The following ABTB3 variants were observed in gnomAD, a reference collection of about 807,000 sequenced individuals.
ABTB3 encodes the protein ankyrin repeat- and BTB/POZ domain-containing protein 3.
chr12:107,658,720 T>A, the ABTB3 span: 1 of 152,656 alleles, frequency 6.6e-6, no homozygotes, highest in Non-Finnish European at 1.5e-5. Context: ...TGCAGAAATG[T>A]GTTCATAGAT....
chr12:107,639,510 T>C, the ABTB3 span, among the ~76,000 whole-genome samples: 2 of 151,810 alleles, frequency 1.3e-5, no homozygotes, highest in Non-Finnish European at 2.9e-5. Flanking sequence ...TCAAAGGGAA[T>C]AGAGGGAAAT....
chr12:107,561,339 T>A, the ABTB3 span, among the ~76,000 whole-genome samples: 1 of 152,248 alleles, frequency 6.6e-6, no homozygotes, highest in East Asian at 1.9e-4. Flanking sequence ...TTTCTGGAAG[T>A]ACTGTCCCTC....
At chr12:107,383,130 A>G in the ABTB3 span, among the ~76,000 whole-genome samples, 2 of 152,184 alleles carry the variant, frequency 1.3e-5, no homozygotes, top group Non-Finnish European at 1.5e-5. Flanking sequence ...GAGCCAAATG[A>G]CTGCAGCAGC....
the ABTB3 span, among the ~76,000 whole-genome samples, chr12:107,423,833 G>A: frequency 5.4e-4 from 83 of 152,300 alleles, no homozygotes; most frequent in East Asian, 9.1e-3. Context: ...CGCTGGTTTT[G>A]CTTCATTGAA....
chr12:107,431,329 G>A, the ABTB3 span, among the ~76,000 whole-genome samples: 2 of 152,144 alleles, frequency 1.3e-5, no homozygotes, highest in African/African-American at 4.8e-5. Flanking sequence ...AGTCAATCCA[G>A]GCCAGGCATG....
the ABTB3 span, chr12:107,649,481 G>A: frequency 1.8e-6 from 1 of 561,044 alleles, no homozygotes; most frequent in Non-Finnish European, 3.2e-6. Flanking sequence ...TCCCTGGCAG[G>A]CTGGGGTGCT....
At chr12:107,423,410 A>G in the ABTB3 span, among the ~76,000 whole-genome samples, 1 of 152,212 alleles carries the variant, frequency 6.6e-6, no homozygotes, top group Non-Finnish European at 1.5e-5. Context: ...GAACCTGAAA[A>G]GCTGACAGTC....
the ABTB3 span, among the ~76,000 whole-genome samples, chr12:107,508,496 G>A: frequency 8.8e-6 from 1 of 113,898 alleles, no homozygotes; most frequent in South Asian, 3.0e-4. Context: ...CTGTCACCCA[G>A]GCTGGAGTGG....
chr12:107,529,806 C>A, the ABTB3 span, among the ~76,000 whole-genome samples: 2 of 152,174 alleles, frequency 1.3e-5, no homozygotes, highest in South Asian at 2.1e-4. Flanking sequence ...CTGTTCCTAA[C>A]CACATGCCAC....
the ABTB3 span, among the ~76,000 whole-genome samples, chr12:107,442,055 C>T: frequency 3.3e-5 from 5 of 152,152 alleles, no homozygotes; most frequent in Admixed American, 1.3e-4. Context: ...AAGTCTGGCA[C>T]GCAGCCCTGG....
chr12:107,422,234 T>G, the ABTB3 span, among the ~76,000 whole-genome samples: 1 of 151,930 alleles, frequency 6.6e-6, no homozygotes, highest in Non-Finnish European at 1.5e-5. Context: ...ATGGACATGA[T>G]ATAAGCAAGG....
chr12:107,579,304 G>A, the ABTB3 span, among the ~76,000 whole-genome samples: 1 of 152,214 alleles, frequency 6.6e-6, no homozygotes, highest in Non-Finnish European at 1.5e-5. Context: ...GTAACAGAGT[G>A]CATGCTACGA....
the ABTB3 span, among the ~76,000 whole-genome samples, chr12:107,336,063 C>T: frequency 6.6e-6 from 1 of 152,206 alleles, no homozygotes; most frequent in African/African-American, 2.4e-5. Context: ...TGCATCCTCA[C>T]CTCCCAGGTG....
the ABTB3 span, among the ~76,000 whole-genome samples, chr12:107,415,296 A>C: frequency 2.6e-5 from 4 of 152,108 alleles, no homozygotes; most frequent in Non-Finnish European, 4.4e-5. Context: ...TAATTATTTG[A>C]GTAGCGCTTC....
chr12:107,401,448 G>A, the ABTB3 span, among the ~76,000 whole-genome samples: 3 of 152,162 alleles, frequency 2.0e-5, no homozygotes, highest in Non-Finnish European at 4.4e-5. Flanking sequence ...CCCAAGTGGC[G>A]GGATGGGGGA....
At chr12:107,641,729 C>T in the ABTB3 span, among the ~76,000 whole-genome samples, 9 of 152,216 alleles carry the variant, frequency 5.9e-5, no homozygotes, top group East Asian at 1.9e-4. Flanking sequence ...CATGGGCACC[C>T]GAGGGGAGGG....
At chr12:107,520,804 G>A in the ABTB3 span, among the ~76,000 whole-genome samples, 1 of 152,298 alleles carries the variant, frequency 6.6e-6, no homozygotes, top group Non-Finnish European at 1.5e-5. Context: ...CCAGTGGCGT[G>A]GGGAAGGTAA....
the ABTB3 span, among the ~76,000 whole-genome samples, chr12:107,390,329 T>C: frequency 6.6e-6 from 1 of 152,250 alleles, no homozygotes; most frequent in Non-Finnish European, 1.5e-5. Flanking sequence ...AGAATAGCCT[T>C]AGATACTTAA....
At chr12:107,369,114 T>G in the ABTB3 span, among the ~76,000 whole-genome samples, 1 of 152,324 alleles carries the variant, frequency 6.6e-6, no homozygotes, top group Non-Finnish European at 1.5e-5. Context: ...CTACCAACTT[T>G]TTTTTCTTTT....
Sources: gnomAD v4.1 joint callset for allele counts (sites outside exome capture counted in the v4.1 genomes callset) on GRCh38, gnomAD v4.1.1 for gene constraint, MANE v1.5 for transcripts, NCBI Gene and HGNC (gene_info 2026-07-23, HGNC 2026-07-21) for gene names.